Variants in TRIM24 observed in about 807,000 individuals in gnomAD.
TRIM24 encodes the protein transcription intermediary factor 1-alpha.
TRIM24 carries 29 observed loss-of-function variants against 123.9 expected under a neutral mutation model. That is an observed-to-expected ratio of 0.23 (90% CI 0.17 to 0.32). The LOEUF (loss-of-function observed/expected upper bound fraction) is 0.32, where lower values mean the gene tolerates loss of function less well. Ranked by LOEUF, TRIM24 falls within the 10% of genes least tolerant of loss-of-function variation. TRIM24 has a pLI of 1.00. For synonymous variants in TRIM24, 456 were observed against 461.1 expected (o/e 0.99, Z 0.14); for missense variants, 932 against 1,295.3 (o/e 0.72, Z 4.31).
At chr7:138,582,729 A>AT (rs1416541119) in intron 17 of TRIM24, among the ~76,000 whole-genome samples, 1 of 151,892 alleles carries the variant, frequency 6.6e-6, no homozygotes, top group South Asian at 2.1e-4. Flanking sequence ...CAAAAAAAAA[A>AT]TTTTTTTTCA....
chr7:138,490,077 T>C (rs952773834), intron 1 of TRIM24, among the ~76,000 whole-genome samples: 1 of 152,164 alleles, frequency 6.6e-6, no homozygotes, highest in Non-Finnish European at 1.5e-5. Flanking sequence ...TCTAAACTTC[T>C]CTTCTCGCTT....
chr7:138,515,021 C>T (rs145703542), intron 2 of TRIM24, among the ~76,000 whole-genome samples, 191 bp from the exon 3 acceptor site: 1 of 152,302 alleles, frequency 6.6e-6, no homozygotes, highest in East Asian at 1.9e-4. Flanking sequence ...TACTTATATT[C>T]TTGTCTCTTC....
At chr7:138,473,239 C>G (rs953814782) in intron 1 of TRIM24, among the ~76,000 whole-genome samples, 2 of 152,160 alleles carry the variant, frequency 1.3e-5, no homozygotes, top group East Asian at 1.9e-4. Flanking sequence ...TAGATCATGC[C>G]ACTGCACTCC....
intron 6 of TRIM24, among the ~76,000 whole-genome samples, chr7:138,536,452 C>T (rs369522848): frequency 6.6e-6 from 1 of 152,242 alleles, no homozygotes; most frequent in Non-Finnish European, 1.5e-5. Flanking sequence ...CCCTCAGCTG[C>T]AGGTCTGTTG....
At chr7:138,480,534 G>A (rs1251675381) in intron 1 of TRIM24, among the ~76,000 whole-genome samples, 1 of 151,894 alleles carries the variant, frequency 6.6e-6, no homozygotes, top group Admixed American at 6.6e-5. Flanking sequence ...CCTGTTTTTT[G>A]CTCTTTTTAA....
At chr7:138,493,587 T>C (rs1370109798) in intron 1 of TRIM24, among the ~76,000 whole-genome samples, 2 of 152,230 alleles carry the variant, frequency 1.3e-5, no homozygotes, top group Non-Finnish European at 2.9e-5. Flanking sequence ...AGTGTTCTGA[T>C]AGATGTCACC....
chr7:138,535,945 T>C (rs531196387), intron 6 of TRIM24, among the ~76,000 whole-genome samples: 1 of 152,328 alleles, frequency 6.6e-6, no homozygotes, highest in South Asian at 2.1e-4. Flanking sequence ...AAACTTCTCT[T>C]CTTGCTTCGT....
At chr7:138,503,559 A>G (rs938046391) in intron 1 of TRIM24, among the ~76,000 whole-genome samples, 1 of 151,370 alleles carries the variant, frequency 6.6e-6, no homozygotes, top group African/African-American at 2.4e-5. Context: ...TCATTAAAAA[A>G]TATATCTGGG....
chr7:138,478,681 G>A (rs890401009), intron 1 of TRIM24, among the ~76,000 whole-genome samples: 5 of 152,092 alleles, frequency 3.3e-5, no homozygotes, highest in African/African-American at 4.8e-5. Flanking sequence ...TCATGAATGG[G>A]CAGTATCAGT....
intron 7 of TRIM24, among the ~76,000 whole-genome samples, chr7:138,549,561 G>T (rs1234907294): frequency 6.6e-6 from 1 of 152,144 alleles, no homozygotes; most frequent in African/African-American, 2.4e-5. Context: ...TTTCCACGAA[G>T]GCAGACTGAC....
At chr7:138,559,269 C>T (rs1017206053) in intron 9 of TRIM24, among the ~76,000 whole-genome samples, 6 of 152,026 alleles carry the variant, frequency 3.9e-5, no homozygotes, top group South Asian at 4.2e-4. Context: ...TGGTGCTCCC[C>T]GACCGCGTAG....
chr7:138,554,642 G>C lies in TRIM24; in HGVS notation c.1262-56G>C, dbSNP rs1797278678. 1 of 1,555,208 alleles carries C rather than the reference G, an allele frequency of 6.4e-7. No individual in the cohort carries two copies. Among genetic ancestry groups the C allele is most frequent in the Non-Finnish European group, 8.7e-7 (1 of 1,146,058 alleles). ...CTGCAAAAATAGCTTTAGAAAATGT[G>C]ATATTTCACCAACTATCTGAAAAAC... is the stretch of plus-strand genomic sequence containing the variant. On this transcript the variant is annotated intron_variant, in intron 8 of 18. Coordinates refer to ENST00000343526, the MANE Select transcript of TRIM24 (RefSeq NM_015905.3). The surrounding 1 kb of genome is among the most constrained non-coding windows in gnomAD (Gnocchi z 4.5).
intron 6 of TRIM24, among the ~76,000 whole-genome samples, chr7:138,537,372 C>T (rs1018806243): frequency 8.6e-6 from 1 of 116,912 alleles, no homozygotes; most frequent in African/African-American, 3.5e-5. Flanking sequence ...CTCCGCCACC[C>T]CTGTTTGTTT....
At chr7:138,578,209 TAAAAAC>T (rs1797805694) in intron 14 of TRIM24, among the ~76,000 whole-genome samples, 1 of 152,100 alleles carries the variant, frequency 6.6e-6, no homozygotes, top group Admixed American at 6.5e-5. Flanking sequence ...AGAGTCTTAG[TAAAAAC>T]AAAAAGTTGT....
At chr7:138,530,005 TCC>T (rs1563048455) in intron 6 of TRIM24, among the ~76,000 whole-genome samples, 2 of 152,192 alleles carry the variant, frequency 1.3e-5, no homozygotes, top group Admixed American at 1.3e-4. Flanking sequence ...ATTTAGGTCA[TCC>T]TTTTTATATC....
rs1290242148 is a variant in TRIM24 at position 138,479,617 on chromosome 7, A to G, written c.364+18705A>G. ...AATCTCTGCCTCCTGGGTTCAAGCA[A>G]TTCTCCTGCCTCAGCCTCCCAAGTA... On this transcript the variant is annotated intron_variant, in intron 1 of 18. Coordinates refer to ENST00000343526, the MANE Select transcript of TRIM24 (RefSeq NM_015905.3). Among the ~76,000 whole-genome samples the G allele has an allele frequency of 3.3e-5, 5 of 151,298 alleles. No individual in the cohort carries two copies. The South Asian group carries it at 6.3e-4, about 19-fold the overall frequency.
chr7:138,480,589 G>A (rs10232095), intron 1 of TRIM24, among the ~76,000 whole-genome samples: 3,316 of 152,076 alleles, frequency 0.022, 107 homozygotes, highest in African/African-American at 0.076. Context: ...CCTGCTGTTC[G>A]TATATGTGAG....
intron 1 of TRIM24, among the ~76,000 whole-genome samples, chr7:138,485,353 T>C (rs1420672122): frequency 1.4e-5 from 2 of 138,480 alleles, no homozygotes; most frequent in Non-Finnish European, 3.1e-5. Flanking sequence ...TGAGAAGAAC[T>C]TTTTTTTTTT....
In TRIM24 at chr7:138,584,807, C is replaced by G. The variant is rs145851335; in HGVS notation, c.3009C>G (p.Asn1003Lys). The G allele has an allele frequency of 3.1e-6, 5 of 1,613,288 alleles. No homozygotes were observed. Among genetic ancestry groups the G allele is most frequent in the South Asian group, 1.1e-5 (1 of 90,850 alleles). Residue 1003 changes from asparagine (N) to lysine (K), a missense_variant, in exon 19 of 19, where the codon AAC becomes AAG. Coordinates refer to ENST00000343526, the MANE Select transcript of TRIM24 (RefSeq NM_015905.3). Reference sequence around the variant, plus strand: ...ATTATTTTGAAGAACTTCTAAAGAACCTCTATCCAGAAAAAAGGTTTCCCA... The same window carrying G: ...ATTATTTTGAAGAACTTCTAAAGAAGCTCTATCCAGAAAAAAGGTTTCCCA... ...LENYFEELLK[N>K]LYPEKRFPKP...
Sources: allele counts gnomAD v4.1 joint callset (sites outside exome capture counted in the v4.1 genomes callset), GRCh38; gene constraint gnomAD v4.1.1; non-coding constraint Gnocchi (gnomAD v3.1); transcripts MANE v1.5; gene names NCBI Gene and HGNC (gene_info 2026-07-23, HGNC 2026-07-21).